ARHGAP15: variants seen among roughly 807,000 people sequenced by gnomAD.
ARHGAP15 encodes the protein rho GTPase-activating protein 15.
Under a neutral mutation model 63.7 loss-of-function variants are expected in ARHGAP15, and 51 were observed. The ratio of observed to expected loss-of-function variants is 0.80; its 90% CI spans 0.64 to 1.01. The LOEUF (loss-of-function observed/expected upper bound fraction) is 1.01, where lower values mean the gene tolerates loss of function less well. Among genes scored for constraint, ARHGAP15 ranks in the 50% least tolerant of loss-of-function variants. The pLI is 0.00. For synonymous variants in ARHGAP15, 191 were observed against 193.8 expected (o/e 0.99, Z 0.12); for missense variants, 560 against 564.6 (o/e 0.99, Z 0.08).
intron 6 of ARHGAP15, among the ~76,000 whole-genome samples, chr2:143,370,614 G>A (rs1686507515): frequency 6.6e-6 from 1 of 151,998 alleles, no homozygotes; most frequent in Non-Finnish European, 1.5e-5. Flanking sequence ...CTAATTAGAA[G>A]GCAACATCTT....
At chr2:143,618,463 A>G (rs771286254) in intron 11 of ARHGAP15, among the ~76,000 whole-genome samples, 35 of 152,212 alleles carry the variant, frequency 2.3e-4, no homozygotes, top group Admixed American at 2.6e-4. Context: ...TGAGAGTTTC[A>G]TAGTGTAACA....
At chr2:143,583,163 A>C (rs1371523698) in intron 11 of ARHGAP15, among the ~76,000 whole-genome samples, 1 of 152,210 alleles carries the variant, frequency 6.6e-6, no homozygotes, top group Non-Finnish European at 1.5e-5. Flanking sequence ...GAGGAGTTTC[A>C]AGAGAAGTGA....
chr2:143,149,999 C>T (rs1689751499), intron 1 of ARHGAP15, among the ~76,000 whole-genome samples: 1 of 151,978 alleles, frequency 6.6e-6, no homozygotes, highest in Non-Finnish European at 1.5e-5. Flanking sequence ...TCTTTCCATA[C>T]ACAATGTCCA....
chr2:143,507,913 T>A lies in ARHGAP15; in HGVS notation c.827-11353T>A, dbSNP rs1341097204. Among the ~76,000 whole-genome samples the A allele has an allele frequency of 2.0e-5, 3 of 152,146 alleles. No individual in the cohort carries two copies. In the East Asian group the frequency reaches 5.8e-4, roughly 29 times the overall value. Reference sequence around the variant, plus strand: ...ATTCTTACCCAAGCACCATCATCTCTTCCTATATTTCACTACCCCCCTGAT... The same window carrying A: ...ATTCTTACCCAAGCACCATCATCTCATCCTATATTTCACTACCCCCCTGAT... On this transcript the variant is annotated intron_variant, in intron 9 of 13. Coordinates refer to ENST00000295095, the MANE Select transcript of ARHGAP15 (RefSeq NM_018460.4).
chr2:143,539,322 A>G (rs1238126821), intron 10 of ARHGAP15, among the ~76,000 whole-genome samples: 1 of 149,662 alleles, frequency 6.7e-6, no homozygotes, highest in Admixed American at 6.6e-5. Flanking sequence ...GATCTTTTCA[A>G]AAAACCAGCT....
chr2:143,452,251 C>T (rs947196344), intron 8 of ARHGAP15, among the ~76,000 whole-genome samples: 2 of 151,928 alleles, frequency 1.3e-5, no homozygotes, highest in African/African-American at 4.8e-5. Flanking sequence ...AAGTTGTAAA[C>T]TCCTAAATTA....
At chr2:143,731,449 T>C (rs1685532616) in intron 13 of ARHGAP15, among the ~76,000 whole-genome samples, 1 of 152,196 alleles carries the variant, frequency 6.6e-6, no homozygotes, top group Admixed American at 6.5e-5. Context: ...ATGAATTTTC[T>C]CATCAATTCC....
chr2:143,501,624 C>T (rs920701575), intron 9 of ARHGAP15, among the ~76,000 whole-genome samples: 1 of 152,218 alleles, frequency 6.6e-6, no homozygotes, highest in Non-Finnish European at 1.5e-5. Context: ...TACACACTTG[C>T]ATGCATGCCT....
chr2:143,699,853 A>T (rs79378107), intron 12 of ARHGAP15, among the ~76,000 whole-genome samples: 2 of 152,200 alleles, frequency 1.3e-5, no homozygotes, highest in African/African-American at 2.4e-5. Flanking sequence ...TGCTTGGTAC[A>T]TTACATACTA....
chr2:143,628,309 TAGAA>T (rs1302019998), intron 12 of ARHGAP15, among the ~76,000 whole-genome samples: 1 of 152,154 alleles, frequency 6.6e-6, no homozygotes, highest in Non-Finnish European at 1.5e-5. Flanking sequence ...GTCTTTTTGG[TAGAA>T]AGATTTGTTT....
chr2:143,311,674 T>C (rs1329268411), intron 6 of ARHGAP15, among the ~76,000 whole-genome samples: 1 of 152,092 alleles, frequency 6.6e-6, no homozygotes, highest in African/African-American at 2.4e-5. Flanking sequence ...ACTGCCTCAT[T>C]CAGGACCCAA....
At chr2:143,442,747 A>AT (rs905322518) in intron 8 of ARHGAP15, among the ~76,000 whole-genome samples, 3 of 152,038 alleles carry the variant, frequency 2.0e-5, no homozygotes, top group African/African-American at 7.3e-5. Context: ...TCATGATCCT[A>AT]TTGTTTCATT....
chr2:143,620,027 T>C (rs1486933895), intron 11 of ARHGAP15, among the ~76,000 whole-genome samples: 1 of 152,228 alleles, frequency 6.6e-6, no homozygotes, highest in Non-Finnish European at 1.5e-5. Flanking sequence ...CAGGCTGGCT[T>C]ACAATGTTTG....
intron 8 of ARHGAP15, among the ~76,000 whole-genome samples, chr2:143,438,303 ATTAT>A (rs1462500669): frequency 1.3e-5 from 2 of 152,150 alleles, no homozygotes; most frequent in African/African-American, 4.8e-5. Context: ...ATGCTAGATG[ATTAT>A]TTGTACGTGT....
intron 13 of ARHGAP15, among the ~76,000 whole-genome samples, chr2:143,709,879 T>C (rs955631927): frequency 2.6e-5 from 4 of 152,234 alleles, no homozygotes; most frequent in Non-Finnish European, 5.9e-5. Context: ...GCTTAAAGAA[T>C]GGACTTCAAA....
intron 2 of ARHGAP15, among the ~76,000 whole-genome samples, chr2:143,159,466 T>C (rs1690207242): frequency 1.3e-5 from 2 of 151,880 alleles, no homozygotes; most frequent in Admixed American, 1.3e-4. Context: ...GAGGCTTTGT[T>C]TGTATAAATT....
chr2:143,504,822 G>A (rs1018631903), intron 9 of ARHGAP15, among the ~76,000 whole-genome samples: 1 of 152,144 alleles, frequency 6.6e-6, no homozygotes, highest in East Asian at 1.9e-4. Context: ...CTGCTTCCCT[G>A]CCTAGGTACT....
intron 6 of ARHGAP15, among the ~76,000 whole-genome samples, chr2:143,325,127 T>C (rs1253711367): frequency 6.6e-6 from 1 of 152,114 alleles, no homozygotes; most frequent in African/African-American, 2.4e-5. Flanking sequence ...TGAGTTTGCC[T>C]AGACAACTCT....
At chr2:143,470,093 G>A (rs1691445088) in intron 8 of ARHGAP15, among the ~76,000 whole-genome samples, 1 of 151,594 alleles carries the variant, frequency 6.6e-6, no homozygotes, top group Non-Finnish European at 1.5e-5. Context: ...CATTCACCTT[G>A]CCAATGATAA....
Sources: allele counts gnomAD v4.1 joint callset (sites outside exome capture counted in the v4.1 genomes callset), GRCh38; gene constraint gnomAD v4.1.1; transcripts MANE v1.5; gene names NCBI Gene and HGNC (gene_info 2026-07-23, HGNC 2026-07-21).